Variants in SYTL5 observed in about 807,000 individuals in gnomAD.
SYTL5 encodes synaptotagmin-like protein 5.
Under a neutral mutation model 55.9 loss-of-function variants are expected in SYTL5, and 34 were observed. The ratio of observed to expected loss-of-function variants is 0.61; its 90% CI spans 0.46 to 0.81. The LOEUF (loss-of-function observed/expected upper bound fraction) is 0.81. SYTL5 is among the 30% of genes least tolerant of loss of function. SYTL5 has a pLI of 0.00. For synonymous variants in SYTL5, 221 were observed against 188.7 expected (o/e 1.17, Z -1.40); for missense variants, 637 against 546.7 (o/e 1.17, Z -1.65).
the SYTL5 span, among the ~76,000 whole-genome samples, chrX:37,960,978 A>G: frequency 9.2e-6 from 1 of 108,268 alleles, no homozygotes; most frequent in East Asian, 2.9e-4. Flanking sequence ...TTGTATTTTT[A>G]GTAGAGACGG....
chrX:38,075,255 A>G (rs1936360213), intron 5 of SYTL5, among the ~76,000 whole-genome samples: 1 of 111,797 alleles, frequency 8.9e-6, no homozygotes, highest in Non-Finnish European at 1.9e-5. Context: ...CTCAGTCATC[A>G]AGGAATATAA....
intron 1 of SYTL5, among the ~76,000 whole-genome samples, chrX:38,022,736 G>A (rs915996669): frequency 8.9e-6 from 1 of 112,027 alleles, no homozygotes; most frequent in East Asian, 2.8e-4. Flanking sequence ...ACAGGTTCTG[G>A]GGATAAGGAT....
chrX:38,037,825 G>A (rs12840501), intron 2 of SYTL5, among the ~76,000 whole-genome samples: 2,512 of 80,006 alleles, frequency 0.031, 25 homozygotes, highest in Non-Finnish European at 0.056. Flanking sequence ...TAGATAGATA[G>A]ATAGATAGAT....
the SYTL5 span, chrX:37,939,629 A>C: frequency 8.9e-6 from 1 of 112,612 alleles, no homozygotes. Context: ...GCAATTAGTC[A>C]AGATACAGAA....
chrX:38,118,940 TGTACGCATATAC>T (rs1425812614), intron 13 of SYTL5, among the ~76,000 whole-genome samples: 9 of 84,115 alleles, frequency 1.1e-4, no homozygotes, highest in African/African-American at 4.3e-4. Flanking sequence ...TATATATATA[TGTACGCATATAC>T]ATATATATAT....
the SYTL5 span, among the ~76,000 whole-genome samples, chrX:37,939,343 G>C: frequency 0.12 from 13,449 of 110,745 alleles, 1,307 homozygotes; most frequent in African/African-American, 0.33. Flanking sequence ...GCAGATTATT[G>C]TTTTAGTCAC....
At chrX:38,039,641 T>G (rs1935220627) in intron 2 of SYTL5, among the ~76,000 whole-genome samples, 2 of 111,900 alleles carry the variant, frequency 1.8e-5, no homozygotes, top group African/African-American at 6.5e-5. Flanking sequence ...TTCAGCAGTA[T>G]ATTGTGAGCT....
intron 7 of SYTL5, among the ~76,000 whole-genome samples, chrX:38,091,389 T>A (rs1425851614): frequency 8.9e-6 from 1 of 112,456 alleles, no homozygotes; most frequent in African/African-American, 3.2e-5. Context: ...TTCTGTTCAA[T>A]AGCTAGAAAG....
the SYTL5 span, among the ~76,000 whole-genome samples, chrX:37,932,815 A>G: frequency 8.9e-6 from 1 of 112,135 alleles, no homozygotes; most frequent in Admixed American, 9.5e-5. Context: ...GCTTCCAAGA[A>G]GAATTTTTTT....
At chrX:37,955,627 A>T in the SYTL5 span, among the ~76,000 whole-genome samples, 1 of 112,021 alleles carries the variant, frequency 8.9e-6, no homozygotes, top group African/African-American at 3.2e-5. Flanking sequence ...GTTGAGACTC[A>T]CCCTTATGTA....
chrX:38,000,085 TAAC>T, the SYTL5 span, among the ~76,000 whole-genome samples: 3 of 112,016 alleles, frequency 2.7e-5, no homozygotes, highest in Admixed American at 9.4e-5. Flanking sequence ...CACTCTCACT[TAAC>T]AACTCACTCT....
At chrX:37,893,772 A>ATATATTATATAGAGATTAGTATATATAAT in the SYTL5 span, among the ~76,000 whole-genome samples, 81 of 73,761 alleles carry the variant, frequency 1.1e-3, 1 homozygote, top group African/African-American at 5.6e-3. Context: ...CTATAGATAA[A>ATATATTATATAGAGATTAGTATATATAAT]CTATAGATTA....
At chrX:37,938,826 A>C in the SYTL5 span, among the ~76,000 whole-genome samples, 1 of 112,324 alleles carries the variant, frequency 8.9e-6, no homozygotes, top group African/African-American at 3.2e-5. Flanking sequence ...ACTGTGAAAT[A>C]CTAAGACAGA....
chrX:37,927,031 A>G, the SYTL5 span, among the ~76,000 whole-genome samples: 1 of 112,053 alleles, frequency 8.9e-6, no homozygotes, highest in Non-Finnish European at 1.9e-5. Flanking sequence ...CCTGTATTGA[A>G]TCTTCTTTAC....
chrX:37,961,007 A>G, the SYTL5 span, among the ~76,000 whole-genome samples: 2 of 109,048 alleles, frequency 1.8e-5, no homozygotes, highest in Non-Finnish European at 3.8e-5. Flanking sequence ...CGTGGTCTCG[A>G]TCTCCTGACC....
At chrX:38,090,952 G>A (rs768071999) in intron 7 of SYTL5, among the ~76,000 whole-genome samples, 1 of 112,597 alleles carries the variant, frequency 8.9e-6, no homozygotes, top group South Asian at 3.7e-4. Context: ...AATGAATGAG[G>A]CAAAGTGAAC....
At position 38,089,567 on chromosome X, in the gene SYTL5, G is replaced by C; in HGVS notation, c.811G>C (p.Val271Leu). ...TTCACCAGCCCCAAGCACACGAACT[G>C]TGACCTCAGTCATCAGTAGAGTAAG... ...QSSPAPSTRT[V>L]TSVISREYGF... Residue 271 changes from valine (V) to leucine (L), a missense_variant, in exon 7 of 17, where the codon GTG (valine) becomes CTG (leucine). Physicochemically the swap from Val to Leu is conservative, Grantham distance 32 (BLOSUM62 1). Transcript: ENST00000297875. 1 of 1,210,258 alleles carries C rather than the reference G, an allele frequency of 8.3e-7. No individual in the cohort carries two copies. The highest frequency in any genetic ancestry group is 1.1e-6 in the Non-Finnish European group (1 of 894,907).
At chrX:37,907,455 G>A in the SYTL5 span, among the ~76,000 whole-genome samples, 107 of 112,261 alleles carry the variant, frequency 9.5e-4, no homozygotes, top group African/African-American at 2.9e-3. Context: ...AAGCTTCCAT[G>A]ATCCTCTTCC....
At chrX:38,007,795 C>T (rs745858040) in intron 1 of SYTL5, among the ~76,000 whole-genome samples, 3 of 111,114 alleles carry the variant, frequency 2.7e-5, no homozygotes, top group South Asian at 3.8e-4. Flanking sequence ...ATGTACATAC[C>T]CACATATACA....
Sources: gnomAD v4.1 joint callset for allele counts (sites outside exome capture counted in the v4.1 genomes callset) on GRCh38, gnomAD v4.1.1 for gene constraint, MANE v1.5 for transcripts, NCBI Gene and HGNC (gene_info 2026-07-23, HGNC 2026-07-21) for gene names.